Variants in AHNAK observed in about 807,000 individuals in gnomAD.
The protein encoded by AHNAK is AHNAK nucleoprotein, also known as neuroblast differentiation-associated protein AHNAK.
Under a neutral mutation model 37.8 loss-of-function variants are expected in AHNAK, and 23 were observed. That is an observed-to-expected ratio of 0.61 (90% CI 0.44 to 0.86). The LOEUF is 0.86. AHNAK is among the 40% of genes least tolerant of loss of function. AHNAK has a pLI of 0.00. For synonymous variants in AHNAK, 2,481 were observed against 2,636.3 expected (o/e 0.94, Z 1.80); for missense variants, 7,411 against 7,319.4 (o/e 1.01, Z -0.46).
chr11:62,512,647 T>C (rs889661134), downstream of AHNAK, among the ~76,000 whole-genome samples: 3 of 152,180 alleles, frequency 2.0e-5, no homozygotes, highest in Non-Finnish European at 4.4e-5. This position sits in a 1 kb window ranked among gnomAD's most constrained non-coding sequence, Gnocchi z 4.0. Context: ...CTCATGCTTG[T>C]AATCCCAGCA....
intron 5 of AHNAK, among the ~76,000 whole-genome samples, chr11:62,462,990 G>T (rs941767962): frequency 1.3e-5 from 2 of 152,004 alleles, no homozygotes; most frequent in African/African-American, 4.8e-5. Context: ...AATTAGCCGG[G>T]CGTGGTGCCT....
At chr11:62,515,596 C>T (rs1437677433), downstream of AHNAK, among the ~76,000 whole-genome samples, 2 of 152,226 alleles carry the variant, frequency 1.3e-5, no homozygotes, top group Admixed American at 6.5e-5. Context: ...GGCCTTTTAA[C>T]TGTTCACATC....
At chr11:62,540,754 G>A (rs1032758152) in intron 1 of AHNAK, among the ~76,000 whole-genome samples, 40 of 152,224 alleles carry the variant, frequency 2.6e-4, no homozygotes, top group African/African-American at 8.2e-4. Flanking sequence ...ATGAGATGGC[G>A]AGGCCGCTCC....
intron 5 of AHNAK, among the ~76,000 whole-genome samples, chr11:62,490,342 C>T (rs919866437): frequency 6.6e-6 from 1 of 151,658 alleles, no homozygotes; most frequent in Non-Finnish European, 1.5e-5. Flanking sequence ...GCTGGGATTA[C>T]AGGCGTGCGC....
rs1216173257 is a variant in AHNAK, at chr11:62,520,511, T to C, written c.13906A>G (p.Ile4636Val). The C allele has an allele frequency of 6.2e-7, 1 of 1,614,128 alleles. No individual in the cohort carries two copies. The highest frequency in any genetic ancestry group is 1.1e-5 in the South Asian group (1 of 91,088). ...EVDIRDPKVD[I>V]DVPDVDVQGP... is the part of the protein sequence containing the mutation. Reference sequence around the variant, plus strand: ...TGAACGTCCACATCTGGGACATCAATGTCCACTTTGGGGTCCCTGATGTCA... The same window carrying C: ...TGAACGTCCACATCTGGGACATCAACGTCCACTTTGGGGTCCCTGATGTCA... Residue 4636 changes from isoleucine to valine, a missense_variant, in exon 5 of 5, where the codon ATT (isoleucine) becomes GTT (valine). By Grantham distance (29) the Ile-to-Val change is conservative (BLOSUM62 3). Coordinates refer to ENST00000378024, the MANE Select transcript of AHNAK (RefSeq NM_001620.3).
In AHNAK at chr11:62,517,221, T is replaced by C. The variant is rs1231508615; in HGVS notation, c.17196A>G (p.Pro5732=). 2.5e-6 allele frequency: 4 copies of C among 1,614,076 alleles called. No homozygotes were observed. The African/African-American group carries it at 4.0e-5, about 16-fold the overall frequency. The change falls in exon 5 of 5, where the codon CCA becomes CCG. Residue 5732 remains proline, a synonymous_variant. Transcript: ENST00000378024. The part of the protein sequence containing the change: ...PKGKGGVTGS[P]EASISGSKGD... The stretch of plus-strand genomic sequence containing the variant: ...CTTTGGACCCAGAAATTGATGCTTC[T>C]GGTGAGCCAGTGACACCACCTTTCC...
chr11:62,524,131 A>G lies in AHNAK; in HGVS notation c.10286T>C (p.Val3429Ala), dbSNP rs756478817. The change falls in exon 5 of 5, where the codon GTC becomes GCC. Residue 3429 changes from valine to alanine, a missense_variant. Val to Ala is a moderately conservative substitution (Grantham distance 64). Transcript: ENST00000378024. The part of the protein sequence containing the change: ...DVELNLKSPK[V>A]KGDLDIAGPN... ...ACCTGCAATATCTAAGTCTCCTTTG[A>G]CTTTGGGACTTTTCAAATTTAGCTC... The G allele has an allele frequency of 1.2e-6, 2 of 1,614,068 alleles. No individual in the cohort carries two copies. The highest frequency in any genetic ancestry group is 1.1e-5 in the South Asian group (1 of 91,072).
chr11:62,531,636 T>C lies in AHNAK; in HGVS notation c.2781A>G (p.Gly927=). ...VPDVNIEGPE[G]KLKGPKFKMP... is the part of the protein sequence containing the mutation. ...TCTTGAACTTGGGGCCCTTCAGCTT[T>C]CCTTCAGGTCCTTCAATATTCACAT... The change falls in exon 5 of 5, where the codon GGA becomes GGG. Residue 927 remains glycine, a synonymous_variant. Coordinates refer to ENST00000378024, the MANE Select transcript of AHNAK (RefSeq NM_001620.3). 1.2e-6 allele frequency: 2 copies of C among 1,612,094 alleles called. No individual in the cohort carries two copies. The highest frequency in any genetic ancestry group is 1.7e-6 in the Non-Finnish European group (2 of 1,179,450).
At chr11:62,509,727 G>A (rs576827147) in intron 4 of AHNAK, among the ~76,000 whole-genome samples, 2 of 152,150 alleles carry the variant, frequency 1.3e-5, no homozygotes, top group South Asian at 2.1e-4. Context: ...GACCAGCCTG[G>A]CCAACATGGC....
intron 3 of AHNAK, 78 bp from the exon 4 acceptor site, chr11:62,535,268 A>T: frequency 7.6e-7 from 1 of 1,317,564 alleles, no homozygotes; most frequent in South Asian, 1.3e-5. Flanking sequence ...CACACTGGGC[A>T]CTGAACTGAC....
chr11:62,530,654 G>A lies in AHNAK; in HGVS notation c.3763C>T (p.Pro1255Ser). 6.2e-7 allele frequency: 1 copy of A among 1,613,474 alleles called. No individual in the cohort carries two copies. Among genetic ancestry groups the A allele is most frequent in the South Asian group, 1.1e-5 (1 of 91,038 alleles). Residue 1255 changes from proline to serine, a missense_variant, in exon 5 of 5, where the codon CCC becomes TCC. Coordinates refer to ENST00000378024, the MANE Select transcript of AHNAK (RefSeq NM_001620.3). Reference sequence around the variant, plus strand: ...CTAAACTTGGGCATTTTCATCTTGGGCATCTTCAGGTGCCAGTCTGGGCCT... The same window carrying A: ...CTAAACTTGGGCATTTTCATCTTGGACATCTTCAGGTGCCAGTCTGGGCCT... ...VQGPDWHLKM[P>S]KMKMPKFSMP... is the part of the protein sequence containing the mutation.
chr11:62,483,737 T>C (rs1165964523), intron 5 of AHNAK, among the ~76,000 whole-genome samples: 2 of 151,950 alleles, frequency 1.3e-5, no homozygotes, highest in Non-Finnish European at 2.9e-5. Context: ...CTGGCACCTG[T>C]AGTCCCAGCT....
Position 62,524,895 on chromosome 11 carries a change from C to A in AHNAK, c.9522G>T (p.Leu3174=). 4 of 1,613,904 alleles carry A rather than the reference C, an allele frequency of 2.5e-6. No homozygotes were observed. The highest frequency in any genetic ancestry group is 3.4e-6 in the Non-Finnish European group (4 of 1,179,966). The part of the protein sequence containing the change: ...KGEGPEVDVN[L]PKADLDVSGP... ...CTGAGACGTCAAGGTCAGCCTTGGG[C>A]AGGTTCACGTCCACTTCTGGACCTT... The change falls in exon 5 of 5, where the codon CTG becomes CTT. Residue 3174 remains leucine, a synonymous_variant. Transcript: ENST00000378024.
intron 5 of AHNAK, among the ~76,000 whole-genome samples, chr11:62,439,664 G>GTTTTTTTTTTTTTTTTTTTTT (rs1565194563): frequency 3.2e-5 from 4 of 126,422 alleles, no homozygotes; most frequent in Non-Finnish European, 3.3e-5. Flanking sequence ...ATTTTTGTGT[G>GTTTTTTTTTTTTTTTTTTTTT]ATTTTTTTTT....
chr11:62,515,283 C>G (rs1939987359), downstream of AHNAK, among the ~76,000 whole-genome samples: 1 of 152,188 alleles, frequency 6.6e-6, no homozygotes, highest in Non-Finnish European at 1.5e-5. Context: ...CTTTGGGAGG[C>G]CAAGGCGGGT....
At chr11:62,475,360 G>C (rs576960318) in intron 5 of AHNAK, among the ~76,000 whole-genome samples, 1 of 152,228 alleles carries the variant, frequency 6.6e-6, no homozygotes, top group Non-Finnish European at 1.5e-5. Context: ...CCTGTCTTTT[G>C]TGGGAACGTG....
chr11:62,439,087 C>CTTTT (rs541862415), intron 5 of AHNAK, among the ~76,000 whole-genome samples: 4 of 112,840 alleles, frequency 3.5e-5, no homozygotes, highest in Admixed American at 1.1e-4. Flanking sequence ...CTCAGTTTCC[C>CTTTT]TATTTTTTTT....
At chr11:62,475,933 CTTAAG>C (rs1939137555) in intron 5 of AHNAK, among the ~76,000 whole-genome samples, 1 of 152,094 alleles carries the variant, frequency 6.6e-6, no homozygotes, top group Non-Finnish European at 1.5e-5. Flanking sequence ...CATTTCTCGC[CTTAAG>C]TTTTTTTGCT....
rs780519896 is a variant in AHNAK, at chr11:62,463,414, G to A, written c.442+28318C>T. Among the ~76,000 whole-genome samples the A allele has an allele frequency of 2.6e-5, 4 of 151,966 alleles. No homozygotes were observed. The East Asian group carries it at 5.8e-4, about 22-fold the overall frequency. ...TGCTGCTGCATTTCTTAGCAAATTC[G>A]CCTGTCCCTTTTTCAAGATGACTGC... On this transcript the variant is annotated intron_variant, in intron 5 of 5. Coordinates refer to the AHNAK transcript ENST00000257247.
Sources: gnomAD v4.1 joint callset for allele counts (sites outside exome capture counted in the v4.1 genomes callset) on GRCh38, gnomAD v4.1.1 for gene constraint, Gnocchi (gnomAD v3.1) non-coding constraint, MANE v1.5 for transcripts, NCBI Gene and HGNC (gene_info 2026-07-23, HGNC 2026-07-21) for gene names.